DNAH8: variants seen among roughly 807,000 people sequenced by gnomAD.
DNAH8 encodes the protein dynein axonemal heavy chain 8.
In DNAH8, 382 loss-of-function variants were observed where a neutral mutation model predicts 562.1. The ratio of observed to expected loss-of-function variants is 0.68; its 90% CI spans 0.63 to 0.74. The LOEUF (loss-of-function observed/expected upper bound fraction) is 0.74, where lower values mean the gene tolerates loss of function less well. Ranked by LOEUF, DNAH8 falls within the 30% of genes least tolerant of loss-of-function variation. DNAH8 has a pLI of 0.00. For missense variants in DNAH8, 5,203 were observed against 5,620.4 expected, an observed-to-expected ratio of 0.93 and a Z score of 2.37; for synonymous variants, 1,881 against 1,919.4, an observed-to-expected ratio of 0.98 and a Z score of 0.52.
At chr6:38,830,936 A>C (rs969551611) in intron 30 of DNAH8, among the ~76,000 whole-genome samples, 1 of 152,154 alleles carries the variant, frequency 6.6e-6, no homozygotes, top group African/African-American at 2.4e-5. Context: ...TTATGTGTCT[A>C]TGAGGCTTAC....
At chr6:38,971,855 G>T in intron 83 of DNAH8, 190 bp downstream of exon 83, 1 of 435,468 alleles carries the variant, frequency 2.3e-6, no homozygotes. Context: ...ATTTTCTATA[G>T]TATATGCTCC....
At chr6:38,989,955 G>T in intron 87 of DNAH8, 57 bp from the exon 88 acceptor site, 2 of 983,302 alleles carry the variant, frequency 2.0e-6, no homozygotes, top group Middle Eastern at 2.2e-4. Flanking sequence ...CTTTCTTGTA[G>T]CAGTTTTCAT....
rs376977881 is a variant in DNAH8, at chr6:38,842,383, G to C, written c.4482G>C (p.Leu1494Phe). The part of the protein sequence containing the change: ...VLHKTRKELN[L>F]LQKLYGLYDT... ...TGTTTCCCAGAAAAGAACTCAACTT[G>C]CTGCAGAAGCTGTATGGATTGTATG... is the stretch of plus-strand genomic sequence containing the variant. Residue 1494 changes from leucine (L) to phenylalanine (F), a missense_variant, in exon 34 of 93, where the codon TTG (leucine) becomes TTC (phenylalanine). Transcript: ENST00000327475. 1.1e-5 allele frequency: 18 copies of C among 1,602,024 alleles called. No individual in the cohort carries two copies. In the African/African-American group the frequency reaches 2.4e-4, roughly 22 times the overall value.
chr6:38,931,367 G>C (rs1375146273), intron 75 of DNAH8: 1 of 152,004 alleles, frequency 6.6e-6, no homozygotes, highest in Non-Finnish European at 1.5e-5. Context: ...ATATGCTTCA[G>C]ATATACCTAT....
At position 38,746,473 on chromosome 6, in the gene DNAH8, A is replaced by G. The variant is rs558328782; in HGVS notation, c.1294-4003A>G. On this transcript the variant is annotated intron_variant, in intron 8 of 92. Coordinates refer to ENST00000327475, the MANE Select transcript of DNAH8 (RefSeq NM_001206927.2). ...ATTTTATTGGAGAGTAGTATTTAGG[A>G]ACCAAAATCTGGTTGCCAGATGTGC... Among the ~76,000 whole-genome samples, 89 of 152,264 alleles carry G rather than the reference A, an allele frequency of 5.8e-4. 1 individual carries two copies. The highest frequency in any genetic ancestry group is 5.1e-3 in the Admixed American group (78 of 15,286).
At chr6:38,854,372 A>G (rs538623858) in intron 41 of DNAH8, among the ~76,000 whole-genome samples, 1 of 152,244 alleles carries the variant, frequency 6.6e-6, no homozygotes, top group Admixed American at 6.5e-5. Flanking sequence ...AAACGTAGGC[A>G]ATTTTTGCCC....
intron 39 of DNAH8, among the ~76,000 whole-genome samples, chr6:38,852,398 A>AG (rs1332414651): frequency 6.7e-6 from 1 of 149,840 alleles, no homozygotes; most frequent in Non-Finnish European, 1.5e-5. Context: ...TCGGGGGAGG[A>AG]GGGGGGAGGC....
At chr6:38,978,829 G>C (rs1763841962) in intron 85 of DNAH8, among the ~76,000 whole-genome samples, 1 of 152,134 alleles carries the variant, frequency 6.6e-6, no homozygotes, top group African/African-American at 2.4e-5. Flanking sequence ...TTCTCTAGTA[G>C]TTCAGAGTTT....
chr6:38,743,823 A>G (rs1194866541), intron 8 of DNAH8, among the ~76,000 whole-genome samples: 1 of 152,178 alleles, frequency 6.6e-6, no homozygotes, highest in Admixed American at 6.5e-5. Context: ...TAACGCTGCT[A>G]TGAACATTCA....
At position 38,790,316 on chromosome 6, in the gene DNAH8, A is replaced by G. The variant is rs1441512771; in HGVS notation, c.2692A>G (p.Thr898Ala). The change falls in exon 20 of 93, where the codon ACA (threonine) becomes GCA (alanine). Residue 898 changes from threonine (T) to alanine (A), a missense_variant. Transcript: ENST00000327475. Reference protein sequence around the residue: ...KVESVLRQGLTVLTWSSLTLE... With the variant: ...KVESVLRQGLAVLTWSSLTLE... ...GGAATCTGTGTTGAGGCAAGGACTC[A>G]CAGTGTTAACATGGTCGTCTTTAAC... 6.8e-6 allele frequency: 11 copies of G among 1,607,670 alleles called. No individual in the cohort carries two copies. Among genetic ancestry groups the G allele is most frequent in the Non-Finnish European group, 9.3e-6 (11 of 1,177,502 alleles).
At chr6:38,901,169 T>G (rs1184526837) in intron 62 of DNAH8, among the ~76,000 whole-genome samples, 1 of 152,226 alleles carries the variant, frequency 6.6e-6, no homozygotes, top group East Asian at 1.9e-4. Flanking sequence ...ATTTGCCTTT[T>G]CATTCTCTTA....
chr6:38,939,382 T>C (rs529128357), intron 79 of DNAH8, among the ~76,000 whole-genome samples: 2 of 152,330 alleles, frequency 1.3e-5, no homozygotes, highest in South Asian at 4.1e-4. Context: ...GTTAATCCTA[T>C]TCATTGCATA....
At chr6:38,866,712 A>G in intron 46 of DNAH8, 35 bp downstream of exon 46, 2 of 1,590,886 alleles carry the variant, frequency 1.3e-6, no homozygotes, top group Non-Finnish European at 1.7e-6. Context: ...AATGTGCTTT[A>G]TGTTCTTTAC....
rs535883526 is a variant in DNAH8, at chr6:38,970,462, C to T, written c.12452-1130C>T. On this transcript the variant is annotated intron_variant, in intron 82 of 92. Transcript: ENST00000327475. Reference sequence around the variant, plus strand: ...TTGGCCCATTTCAATTCCTGATTCTCCAAGCAGTGAGTGCTCTTCCATCCT... The same window carrying T: ...TTGGCCCATTTCAATTCCTGATTCTTCAAGCAGTGAGTGCTCTTCCATCCT... Among the ~76,000 whole-genome samples, 8 of 152,236 alleles carry T rather than the reference C, an allele frequency of 5.3e-5. No homozygotes were observed. In the East Asian group the frequency reaches 1.5e-3, roughly 29 times the overall value.
At chr6:38,950,602 G>T (rs999507079) in intron 81 of DNAH8, among the ~76,000 whole-genome samples, 1 of 151,908 alleles carries the variant, frequency 6.6e-6, no homozygotes, top group Non-Finnish European at 1.5e-5. Flanking sequence ...ACCACGCCCG[G>T]CTAATTTTTT....
rs976171287 is a variant in DNAH8, at chr6:39,014,842, G to A, written c.13714+2205G>A. ...TTCCGGGGCCTCAGGGGTTGGGGCTGTATATCAGAAGGTAATCCCAAGAGA... is the reference window on the plus strand; with the variant it reads ...TTCCGGGGCCTCAGGGGTTGGGGCTATATATCAGAAGGTAATCCCAAGAGA... On this transcript the variant is annotated intron_variant, in intron 91 of 92. Coordinates refer to ENST00000327475, the MANE Select transcript of DNAH8 (RefSeq NM_001206927.2). 3.9e-5 allele frequency among the ~76,000 whole-genome samples: 6 copies of A among 152,112 alleles called. No homozygotes were observed. In the South Asian group the frequency reaches 1.2e-3, roughly 32 times the overall value.
intron 35 of DNAH8, among the ~76,000 whole-genome samples, chr6:38,843,607 T>C (rs969458504): frequency 1.3e-5 from 2 of 152,216 alleles, no homozygotes; most frequent in Non-Finnish European, 2.9e-5. Context: ...ATCTATACTA[T>C]CTTTATCTAT....
intron 79 of DNAH8, among the ~76,000 whole-genome samples, chr6:38,944,653 C>G (rs1783705096): frequency 6.6e-6 from 1 of 152,154 alleles, no homozygotes; most frequent in South Asian, 2.1e-4. Context: ...GCCCATTTGG[C>G]CTGAGATATG....
intron 88 of DNAH8, among the ~76,000 whole-genome samples, chr6:38,996,062 G>A (rs144828986): frequency 5.8e-4 from 89 of 152,290 alleles, no homozygotes; most frequent in African/African-American, 2.0e-3. Context: ...CCTGCTGTCC[G>A]GCTTAGCAGG....
Sources: gnomAD v4.1 joint callset for allele counts (sites outside exome capture counted in the v4.1 genomes callset) on GRCh38, gnomAD v4.1.1 for gene constraint, MANE v1.5 for transcripts, NCBI Gene and HGNC (gene_info 2026-07-23, HGNC 2026-07-21) for gene names.